The following EXOSC1 variants were observed in gnomAD, a reference collection of about 807,000 sequenced individuals.
EXOSC1 encodes the protein exosome component 1.
In EXOSC1, 27 loss-of-function variants were observed where a neutral mutation model predicts 31.4. The observed-to-expected ratio is 0.86, with a 90% CI of 0.63 to 1.18. The LOEUF (loss-of-function observed/expected upper bound fraction) is 1.18, where lower values mean the gene tolerates loss of function less well. Among genes scored for constraint, EXOSC1 ranks in the 50% most tolerant of loss-of-function variants. The pLI, the probability that EXOSC1 is intolerant of heterozygous loss-of-function variation, is 0.00. For missense variants in EXOSC1, 228 were observed against 250.3 expected (o/e 0.91, Z 0.60); for synonymous variants, 84 against 89.5 (o/e 0.94, Z 0.35).
intron 4 of EXOSC1, among the ~76,000 whole-genome samples, chr10:97,438,944 G>A (rs991663658): frequency 1.3e-5 from 2 of 151,752 alleles, no homozygotes; most frequent in African/African-American, 4.8e-5. Flanking sequence ...TAGAGATGGG[G>A]TTTCACCATG....
intron 2 of EXOSC1, chr10:97,445,404 C>T (rs1390812301): frequency 6.7e-6 from 2 of 299,592 alleles, no homozygotes; most frequent in African/African-American, 4.3e-5. Flanking sequence ...GATAGTGGCG[C>T]TAGATAAAGT....
chr10:97,440,834 C>A, intron 4 of EXOSC1: 1 of 175,238 alleles, frequency 5.7e-6, no homozygotes, highest in African/African-American at 2.4e-5. Flanking sequence ...GTATTTTTTA[C>A]AGAGATGGGG....
intron 2 of EXOSC1, chr10:97,443,888 G>C (rs1845794314): frequency 6.6e-6 from 1 of 152,014 alleles, no homozygotes; most frequent in Non-Finnish European, 1.5e-5. Flanking sequence ...CACCTCCTGG[G>C]TTCAAGTGAT....
At chr10:97,439,869 C>T (rs894415778) in intron 4 of EXOSC1, among the ~76,000 whole-genome samples, 1 of 152,150 alleles carries the variant, frequency 6.6e-6, no homozygotes, top group African/African-American at 2.4e-5. Flanking sequence ...CTCAAGGAAG[C>T]CACACGAAAT....
chr10:97,437,472 C>T (rs868589966), intron 6 of EXOSC1, among the ~76,000 whole-genome samples, 197 bp from the exon 7 acceptor site: 5 of 151,876 alleles, frequency 3.3e-5, no homozygotes, highest in Admixed American at 6.6e-5. Context: ...CTCAGCTTCC[C>T]GAATAGCTGG....
intron 3 of EXOSC1, among the ~76,000 whole-genome samples, chr10:97,441,649 C>A (rs1188458183): frequency 6.6e-6 from 1 of 151,616 alleles, no homozygotes; most frequent in African/African-American, 2.4e-5. Context: ...CACCACCATG[C>A]CCAGCTAATT....
At chr10:97,444,381 C>T (rs1281146111) in intron 2 of EXOSC1, 2 of 152,230 alleles carry the variant, frequency 1.3e-5, no homozygotes. Flanking sequence ...ACTTTCAGAT[C>T]TCTCTTCAAC....
intron 2 of EXOSC1, chr10:97,444,093 C>T (rs1253467382): frequency 3.9e-5 from 6 of 152,292 alleles, no homozygotes; most frequent in African/African-American, 1.2e-4. Context: ...TGCGCCCTGC[C>T]GACAATTTAC....
intron 7 of EXOSC1, among the ~76,000 whole-genome samples, 155 bp from the exon 8 acceptor site, chr10:97,436,706 G>A (rs961372781): frequency 1.8e-4 from 27 of 152,166 alleles, no homozygotes; most frequent in Admixed American, 6.6e-5. Flanking sequence ...CTTATGAAGT[G>A]AGTCCCGTTT....
chr10:97,441,867 TAACA>T lies in EXOSC1; in HGVS notation c.223-612_223-609del, dbSNP rs1181093087. 8.2e-5 allele frequency among the ~76,000 whole-genome samples: 10 copies of T among 121,678 alleles called. No individual in the cohort carries two copies. The South Asian group carries it at 2.5e-3, about 30-fold the overall frequency. 79.8% of individuals were successfully genotyped at this position (121,678 alleles called of 152,430 possible). A position where few individuals can be genotyped will look rare whatever the true frequency, so the allele number is the denominator to read the frequency against. On this transcript the variant is annotated intron_variant, in intron 3 of 7. Coordinates refer to ENST00000370902, the MANE Select transcript of EXOSC1 (RefSeq NM_016046.5). ...ATAGACTTTTTAAAGTATAGATGGC[TAACA>T]ATTAAAAAAAAAAAAAAAAAAGAGG...
At position 97,437,299 on chromosome 10, in the gene EXOSC1, G is replaced by C. The variant is rs1303608761; in HGVS notation, c.397-24C>G. ...ATCTAGTCACATAACACCGGTGAAGGAAAATGAGGAGTTAGAAGTCTTCCC... is the reference window on the plus strand; with the variant it reads ...ATCTAGTCACATAACACCGGTGAAGCAAAATGAGGAGTTAGAAGTCTTCCC... On this transcript the variant is annotated intron_variant, in intron 6 of 7. Coordinates refer to ENST00000370902, the MANE Select transcript of EXOSC1 (RefSeq NM_016046.5). The C allele has an allele frequency of 2.5e-6, 4 of 1,587,494 alleles. 1 individual carries two copies. The South Asian group carries it at 4.4e-5, about 18-fold the overall frequency.
At position 97,441,254 on chromosome 10, in the gene EXOSC1, A is replaced by G. The variant is rs1589465316; in HGVS notation, c.228T>C (p.Ser76=). Residue 76 remains serine (S), a synonymous_variant, in exon 4 of 8, where the codon TCT becomes TCC. Transcript: ENST00000370902. ...CTTTGGCAAAGCGTGAATTGATGCTAGAGACCTGCGGAATAGAGAAAAGAT... is the reference window on the plus strand; with the variant it reads ...CTTTGGCAAAGCGTGAATTGATGCTGGAGACCTGCGGAATAGAGAAAAGAT... The part of the protein sequence containing the change: ...DVGAIVTCKV[S]SINSRFAKVH... The G allele has an allele frequency of 1.9e-6, 3 of 1,613,898 alleles. No homozygotes were observed. In the East Asian group the frequency reaches 6.7e-5, roughly 36 times the overall value.
intron 2 of EXOSC1, 54 bp from the exon 3 acceptor site, chr10:97,443,365 G>A (rs1409273562): frequency 2.0e-6 from 3 of 1,485,030 alleles, no homozygotes; most frequent in South Asian, 1.2e-5. Flanking sequence ...TTGGGTCAAG[G>A]CATTTGTGGC....
chr10:97,445,849 T>C lies in EXOSC1; in HGVS notation c.32-2A>G. 6.2e-7 allele frequency: 1 copy of C among 1,613,832 alleles called. No individual in the cohort carries two copies. Among genetic ancestry groups the C allele is most frequent in the Non-Finnish European group, 8.5e-7 (1 of 1,179,758 alleles). ...CCTCCAAGTTACACAGACGTTCGCC[T>C]GCAGAAAAAATGCTGCATCGGTCAC... On this transcript the variant is annotated splice_acceptor_variant, in intron 1 of 7. Coordinates refer to ENST00000370902, the MANE Select transcript of EXOSC1 (RefSeq NM_016046.5). LOFTEE classifies it high-confidence loss of function.
chr10:97,441,486 G>GTTTTT (rs781273557), intron 3 of EXOSC1, among the ~76,000 whole-genome samples: 3 of 133,522 alleles, frequency 2.2e-5, no homozygotes, highest in Non-Finnish European at 3.2e-5. Context: ...GGTGGTATGG[G>GTTTTT]TTTTTTTTTT....
Position 97,435,918 on chromosome 10 carries a change from G to C in EXOSC1, c.*527C>G, listed in dbSNP as rs940241064. 2.6e-5 allele frequency among the ~76,000 whole-genome samples: 4 copies of C among 152,154 alleles called. No individual in the cohort carries two copies. Among genetic ancestry groups the C allele is most frequent in the Admixed American group, 2.6e-4 (4 of 15,270 alleles). On this transcript the variant is annotated 3_prime_UTR_variant, in exon 8 of 8. Transcript: ENST00000370902. ...TCAACCCAACTCGGCCTCCCAAAGT[G>C]CTGGGATTTACAAACATGAGCCACC...
intron 7 of EXOSC1, 38 bp from the exon 8 acceptor site, chr10:97,436,589 A>G (rs528183937): frequency 3.2e-6 from 5 of 1,548,014 alleles, no homozygotes; most frequent in African/African-American, 2.8e-5. Flanking sequence ...CCAGACCCCA[A>G]AGATTTGCCT....
rs775142895 is a variant in EXOSC1, at chr10:97,441,225, T to C, written c.257A>G (p.His86Arg). The change falls in exon 4 of 8, where the codon CAC becomes CGC. Residue 86 changes from histidine (H) to arginine (R), a missense_variant. By Grantham distance (29) the His-to-Arg change is conservative. Transcript: ENST00000370902. ...SSINSRFAKV[H>R]ILYVGSMPLK... Reference sequence around the variant, plus strand: ...AGGCATGGACCCCACATACAGGATGTGTACTTTGGCAAAGCGTGAATTGAT... The same window carrying C: ...AGGCATGGACCCCACATACAGGATGCGTACTTTGGCAAAGCGTGAATTGAT... The C allele has an allele frequency of 5.6e-6, 9 of 1,613,988 alleles. No homozygotes were observed. Among genetic ancestry groups the C allele is most frequent in the Non-Finnish European group, 7.6e-6 (9 of 1,180,014 alleles).
chr10:97,437,025 C>T (rs558880345), intron 7 of EXOSC1, among the ~76,000 whole-genome samples, 166 bp downstream of exon 7: 1 of 152,246 alleles, frequency 6.6e-6, no homozygotes, highest in East Asian at 1.9e-4. Flanking sequence ...CAAACAACCA[C>T]CACCACCAGC....
Sources: gnomAD v4.1 joint callset for allele counts (sites outside exome capture counted in the v4.1 genomes callset) on GRCh38, gnomAD v4.1.1 for gene constraint, MANE v1.5 for transcripts, NCBI Gene and HGNC (gene_info 2026-07-23, HGNC 2026-07-21) for gene names.